Variants in PEX7 observed in about 807,000 individuals in gnomAD.
PEX7 encodes PTS2 receptor.
In PEX7, 34 loss-of-function variants were observed where a neutral mutation model predicts 47.5. The observed-to-expected ratio is 0.72, with a 90% CI of 0.54 to 0.95. The LOEUF is 0.95. Among genes scored for constraint, PEX7 ranks in the 40% least tolerant of loss-of-function variants. The pLI is 0.00. For missense variants in PEX7, 394 were observed against 400.3 expected, an observed-to-expected ratio of 0.98 and a Z score of 0.13; for synonymous variants, 141 against 148.8, an observed-to-expected ratio of 0.95 and a Z score of 0.38.
intron 9 of PEX7, among the ~76,000 whole-genome samples, chr6:136,907,351 C>A (rs1484892874): frequency 2.6e-5 from 4 of 152,088 alleles, no homozygotes; most frequent in Non-Finnish European, 1.5e-5. Flanking sequence ...TCATAATAAA[C>A]CATATTCTCT....
chr6:136,871,712 C>CATG, intron 7 of PEX7, among the ~76,000 whole-genome samples: 1 of 152,164 alleles, frequency 6.6e-6, no homozygotes, highest in Admixed American at 6.5e-5. Context: ...GCATATGTGC[C>CATG]ACCATGCCCA....
At position 136,869,997 on chromosome 6, in the gene PEX7, G is replaced by A. The variant is rs201562684; in HGVS notation, c.741G>A (p.Arg247=). Residue 247 remains arginine, a synonymous_variant, in exon 7 of 10, where the codon AGG becomes AGA. Coordinates refer to ENST00000318471, the MANE Select transcript of PEX7 (RefSeq NM_000288.4). Reference sequence around the variant, plus strand: ...TTGGTCATACCTATGCTATTAGGAGGGTGAAAGTAAGTTTTCATCTTTTCT... The same window carrying A: ...TTGGTCATACCTATGCTATTAGGAGAGTGAAAGTAAGTTTTCATCTTTTCT... ...ELLGHTYAIR[R]VKFSPFHASV... 6.9e-6 allele frequency: 11 copies of A among 1,586,560 alleles called. No homozygotes were observed. In the East Asian group the frequency reaches 2.5e-4, roughly 35 times the overall value.
chr6:136,823,855 A>T (rs911010934), intron 1 of PEX7, among the ~76,000 whole-genome samples: 30 of 152,234 alleles, frequency 2.0e-4, no homozygotes, highest in African/African-American at 7.0e-4. Context: ...GTGCCATTGC[A>T]CTCCAGCCTG....
rs185639722 is a variant in PEX7 at position 136,849,010 on chromosome 6, T to A, written c.526+2829T>A. On this transcript the variant is annotated intron_variant, in intron 5 of 9. Transcript: ENST00000318471. ...GTTTTCTTGGTTGGTAGGCTATTAA[T>A]TATTGCCTCAATTTCAGAGCCTGTT... 2.0e-5 allele frequency among the ~76,000 whole-genome samples: 3 copies of A among 152,320 alleles called. No individual in the cohort carries two copies. The East Asian group carries it at 5.8e-4, about 29-fold the overall frequency.
chr6:136,900,565 G>T lies in PEX7; in HGVS notation c.903+2324G>T. 2.4e-6 allele frequency: 1 copy of T among 421,734 alleles called. No homozygotes were observed. Among genetic ancestry groups the T allele is most frequent in the South Asian group, 1.8e-5 (1 of 55,904 alleles). 26.1% of individuals were successfully genotyped at this position (421,734 alleles called of 1,614,324 possible). On this transcript the variant is annotated intron_variant, in intron 9 of 9. Transcript: ENST00000318471. The surrounding 1 kb of genome is among the most constrained non-coding windows in gnomAD (Gnocchi z 4.2). Reference sequence around the variant, plus strand: ...CCTTTTGTCTTCCGAGTTAATCTGTGTGAAGGTGATGGTGGTGTGGGTCAT... The same window carrying T: ...CCTTTTGTCTTCCGAGTTAATCTGTTTGAAGGTGATGGTGGTGTGGGTCAT...
intron 5 of PEX7, among the ~76,000 whole-genome samples, chr6:136,848,686 C>T (rs1319559761): frequency 6.6e-6 from 1 of 152,028 alleles, no homozygotes; most frequent in Non-Finnish European, 1.5e-5. Context: ...AGCCTTGCAT[C>T]CCAGGGATGA....
intron 8 of PEX7, among the ~76,000 whole-genome samples, chr6:136,879,304 G>A (rs1388242424): frequency 1.3e-5 from 2 of 152,014 alleles, no homozygotes. Context: ...TTCTCAAGAG[G>A]GACTGATGGG....
Position 136,846,161 on chromosome 6 carries a change from G to A in PEX7, c.506G>A (p.Gly169Asp). 6.2e-7 allele frequency: 1 copy of A among 1,611,164 alleles called. No individual in the cohort carries two copies. Among genetic ancestry groups the A allele is most frequent in the East Asian group, 2.2e-5 (1 of 44,820 alleles). Residue 169 changes from glycine (G) to aspartate (D), a missense_variant, in exon 5 of 10, where the codon GGT (glycine) becomes GAT (aspartate). By Grantham distance (94) the Gly-to-Asp change is moderately conservative. Transcript: ENST00000318471. Reference protein sequence around the residue: ...YSTIWSPHIPGCFASASGDQT... With the variant: ...YSTIWSPHIPDCFASASGDQT... ...ACAATCTGGTCTCCCCACATCCCTG[G>A]TTGTTTTGCTTCAGCCTCAGGTAAA...
intron 8 of PEX7, among the ~76,000 whole-genome samples, chr6:136,881,266 G>A (rs1276921511): frequency 6.6e-6 from 1 of 152,162 alleles, no homozygotes; most frequent in Non-Finnish European, 1.5e-5. Context: ...AGCTGTGGGA[G>A]GAGGGGCTTT....
At chr6:136,866,755 T>C in intron 6 of PEX7, 22 bp downstream of exon 6, 1 of 1,556,802 alleles carries the variant, frequency 6.4e-7, no homozygotes, top group Non-Finnish European at 8.9e-7. Flanking sequence ...GGCTCTATCC[T>C]ATGCTGCTGT....
intron 9 of PEX7, among the ~76,000 whole-genome samples, chr6:136,909,943 A>T (rs541597039): frequency 2.0e-5 from 3 of 152,196 alleles, no homozygotes; most frequent in Non-Finnish European, 4.4e-5. Context: ...GATGCTTAAC[A>T]TGTGGGAAGG....
At chr6:136,866,430 G>A (rs1344514874) in intron 5 of PEX7, among the ~76,000 whole-genome samples, 197 bp from the exon 6 acceptor site, 3 of 151,920 alleles carry the variant, frequency 2.0e-5, no homozygotes, top group African/African-American at 4.8e-5. Flanking sequence ...GCATTATCAC[G>A]GTGCAACGTC....
intron 5 of PEX7, among the ~76,000 whole-genome samples, chr6:136,862,361 A>T (rs1187403340): frequency 6.6e-6 from 1 of 151,852 alleles, no homozygotes; most frequent in African/African-American, 2.4e-5. Context: ...GACAGGCATG[A>T]GCCACTGTGC....
intron 5 of PEX7, among the ~76,000 whole-genome samples, chr6:136,849,314 A>G (rs1452886499): frequency 2.6e-5 from 4 of 152,010 alleles, no homozygotes; most frequent in African/African-American, 4.8e-5. Flanking sequence ...TCCTGGATTC[A>G]TTGATTTTTT....
At chr6:136,879,140 A>G (rs184537394) in intron 8 of PEX7, among the ~76,000 whole-genome samples, 340 of 152,198 alleles carry the variant, frequency 2.2e-3, no homozygotes, top group African/African-American at 7.2e-3. Flanking sequence ...CATGTAACAT[A>G]TAGCACATAT....
chr6:136,905,874 T>G (rs1163377659), intron 9 of PEX7, among the ~76,000 whole-genome samples: 2 of 152,240 alleles, frequency 1.3e-5, no homozygotes. Flanking sequence ...ACTAGAGATC[T>G]GGGAAGTAAT....
chr6:136,828,812 C>G (rs1388030660), intron 3 of PEX7, among the ~76,000 whole-genome samples: 2 of 152,196 alleles, frequency 1.3e-5, no homozygotes, highest in African/African-American at 4.8e-5. Context: ...TCAGCCATGT[C>G]TTAGTGTTAG....
intron 5 of PEX7, among the ~76,000 whole-genome samples, chr6:136,861,199 C>T (rs1774957231): frequency 6.6e-6 from 1 of 152,290 alleles, no homozygotes; most frequent in African/African-American, 2.4e-5. Flanking sequence ...GTCCTCCCAC[C>T]TCAGCCTCCT....
At chr6:136,911,681 A>T (rs1775935465) in intron 9 of PEX7, among the ~76,000 whole-genome samples, 1 of 150,372 alleles carries the variant, frequency 6.7e-6, no homozygotes, top group Non-Finnish European at 1.5e-5. Context: ...TGCTGGGATT[A>T]CAGGTATGAA....
Sources: gnomAD v4.1 joint callset for allele counts (sites outside exome capture counted in the v4.1 genomes callset) on GRCh38, gnomAD v4.1.1 for gene constraint, Gnocchi (gnomAD v3.1) non-coding constraint, MANE v1.5 for transcripts, NCBI Gene and HGNC (gene_info 2026-07-23, HGNC 2026-07-21) for gene names.